Variants in OGG1 observed in about 807,000 individuals in gnomAD.
OGG1 encodes the protein 8-oxoguanine DNA glycosylase.
In OGG1, 35 loss-of-function variants were observed where a neutral mutation model predicts 42.3. That is an observed-to-expected ratio of 0.83 (90% CI 0.63 to 1.10). OGG1 has a LOEUF of 1.10. Among genes scored for constraint, OGG1 ranks in the 50% least tolerant of loss-of-function variants. The probability of loss-of-function intolerance (pLI) is 0.00; values close to 1 mark genes in which losing one functional copy is unlikely to be tolerated. For synonymous variants in OGG1, 189 were observed against 179.0 expected (o/e 1.06, Z -0.44); for missense variants, 484 against 446.7 (o/e 1.08, Z -0.75).
At chr3:9,787,732 A>AT (rs1253718840) in exon 4 of OGG1, 3 of 1,293,948 alleles carry the variant, frequency 2.3e-6, no homozygotes, top group African/African-American at 3.0e-5. Flanking sequence ...TTTCAGATAA[A>AT]TTTTTAAGAA....
chr3:9,763,479 A>G (rs1269796286), intron 7 of OGG1, among the ~76,000 whole-genome samples: 1 of 151,712 alleles, frequency 6.6e-6, no homozygotes, highest in Non-Finnish European at 1.5e-5. Flanking sequence ...CACTGCCTAC[A>G]TACCTGGGTA....
At chr3:9,789,078 T>C (rs1419096645), downstream of OGG1, among the ~76,000 whole-genome samples, 3 of 152,158 alleles carry the variant, frequency 2.0e-5, no homozygotes, top group Non-Finnish European at 4.4e-5. Context: ...TCAAGCAATC[T>C]GCCCGCCCCG....
chr3:9,780,256 G>C, intron 2 of OGG1: 2 of 1,308,176 alleles, frequency 1.5e-6, no homozygotes, highest in Non-Finnish European at 2.1e-6. Flanking sequence ...GCCGCCATTT[G>C]AGGGACAGCC....
At chr3:9,753,374 C>T (rs1426880919) in intron 3 of OGG1, among the ~76,000 whole-genome samples, 1 of 148,864 alleles carries the variant, frequency 6.7e-6, no homozygotes, top group African/African-American at 2.5e-5. Context: ...AAAACCTGGC[C>T]GGGCGTGGTG....
At chr3:9,780,329 G>A in intron 2 of OGG1, 1 of 1,592,620 alleles carries the variant, frequency 6.3e-7, no homozygotes, top group Non-Finnish European at 8.6e-7. Flanking sequence ...CCCTAGGCCA[G>A]ATAATCAGCC....
chr3:9,784,438 C>T (rs2125620427), intron 3 of OGG1, among the ~76,000 whole-genome samples: 1 of 152,212 alleles, frequency 6.6e-6, no homozygotes, highest in South Asian at 2.1e-4. Flanking sequence ...ACCCATAATG[C>T]CAACAACCCA....
downstream of OGG1, chr3:9,759,222 C>T (rs906776771): frequency 6.8e-6 from 11 of 1,614,142 alleles, no homozygotes; most frequent in South Asian, 3.3e-5. Flanking sequence ...TGACCTTTCT[C>T]GGACCCCATA....
intron 2 of OGG1, among the ~76,000 whole-genome samples, chr3:9,776,592 T>C (rs2078368819): frequency 6.6e-6 from 1 of 152,088 alleles, no homozygotes; most frequent in Admixed American, 6.6e-5. Context: ...GGTTTCACCA[T>C]GTTAGCCAGG....
chr3:9,784,935 G>T (rs1411131966), intron 3 of OGG1, among the ~76,000 whole-genome samples: 2 of 151,754 alleles, frequency 1.3e-5, no homozygotes, highest in African/African-American at 4.8e-5. Context: ...ATCCATACTG[G>T]GCTACAACTA....
chr3:9,756,920 C>T (rs899641756), intron 6 of OGG1, 104 bp downstream of exon 6: 14 of 1,611,950 alleles, frequency 8.7e-6, no homozygotes, highest in Admixed American at 3.3e-5. Flanking sequence ...TCTCCAGCCA[C>T]CCCTGTCCCA....
chr3:9,760,237 C>T (rs559015611), downstream of OGG1: 41 of 177,218 alleles, frequency 2.3e-4, no homozygotes, highest in Non-Finnish European at 3.5e-4. Context: ...AGCGAGACTG[C>T]GTCTCAAAAA....
At position 9,757,139 on chromosome 3, in the gene OGG1, C is replaced by T. The variant is rs1440237653; in HGVS notation, c.1027C>T (p.Pro343Ser). Residue 343 changes from proline to serine, a missense_variant, in exon 7 of 7, where the codon CCG (proline) becomes TCG (serine). By Grantham distance (74) the Pro-to-Ser change is moderately conservative (BLOSUM62 -1). Transcript: ENST00000344629. This position sits in a 1 kb window ranked among gnomAD's most constrained non-coding sequence, Gnocchi z 4.5. ...AAAGCGCAGAAAGGGTTCCAAAGGG[C>T]CGGAAGGCTAGATGGGGCACCCTGG... ...PAKRRKGSKGPEG is the reference protein window; with the variant it reads ...PAKRRKGSKGSEG 1.2e-6 allele frequency: 2 copies of T among 1,614,088 alleles called. No homozygotes were observed. Among genetic ancestry groups the T allele is most frequent in the Non-Finnish European group, 1.7e-6 (2 of 1,179,994 alleles).
exon 4 of OGG1, chr3:9,787,817 T>C: frequency 1.2e-6 from 1 of 855,410 alleles, no homozygotes; most frequent in South Asian, 1.4e-5. Context: ...AACTTTCTGC[T>C]GGGGAATCTG....
chr3:9,771,586 G>A (rs142354808), downstream of OGG1, among the ~76,000 whole-genome samples: 1 of 152,260 alleles, frequency 6.6e-6, no homozygotes, highest in African/African-American at 2.4e-5. Flanking sequence ...TTTGGCCAGG[G>A]ATGAGGGGTT....
chr3:9,777,596 G>A (rs1202171551), intron 2 of OGG1, among the ~76,000 whole-genome samples: 3 of 152,144 alleles, frequency 2.0e-5, no homozygotes, highest in African/African-American at 7.2e-5. Context: ...CAGATAGTAG[G>A]TATGCAACAG....
chr3:9,781,346 CTG>C (rs2078458755), intron 2 of OGG1, among the ~76,000 whole-genome samples: 1 of 149,128 alleles, frequency 6.7e-6, no homozygotes. Context: ...CTCTCTCTCT[CTG>C]TCTTTCAGTT....
In OGG1 at chr3:9,751,281, A is replaced by G. The variant is rs531220980; in HGVS notation, c.385+89A>G. 167 of 1,347,360 alleles carry G rather than the reference A, an allele frequency of 1.2e-4. 3 individuals carry two copies. The Middle Eastern group carries it at 3.9e-3, about 32-fold the overall frequency. The allele number at this position is 1,347,360 out of a possible 1,614,324, so 83.5% of individuals were successfully genotyped here. ...TTTTGCCACCTGTAAAATGGGGATT[A>G]TATCTACTTCATAGGCTTTTATGAG... On this transcript the variant is annotated intron_variant, in intron 2 of 6. Transcript: ENST00000344629.
At chr3:9,763,986 C>CAA (rs1463561203) in intron 7 of OGG1, among the ~76,000 whole-genome samples, 10 of 151,634 alleles carry the variant, frequency 6.6e-5, no homozygotes, top group African/African-American at 2.4e-4. Context: ...AACTCCATCT[C>CAA]AAAAAAAATA....
At chr3:9,767,547 G>C, downstream of OGG1, 1 of 1,310,244 alleles carries the variant, frequency 7.6e-7, no homozygotes, top group Non-Finnish European at 1.1e-6. Context: ...TTAGGCCCTA[G>C]ATAGTGCTGC....
Sources: allele counts gnomAD v4.1 joint callset (sites outside exome capture counted in the v4.1 genomes callset), GRCh38; gene constraint gnomAD v4.1.1; non-coding constraint Gnocchi (gnomAD v3.1); transcripts MANE v1.5; gene names NCBI Gene and HGNC (gene_info 2026-07-23, HGNC 2026-07-21).